ACSS3: variants seen among roughly 807,000 people sequenced by gnomAD.
ACSS3 encodes acyl-CoA synthetase short-chain family member 3, mitochondrial.
ACSS3 carries 64 observed loss-of-function variants against 84.2 expected under a neutral mutation model. The ratio of observed to expected loss-of-function variants is 0.76; its 90% CI spans 0.62 to 0.94. The LOEUF is 0.94. Ranked by LOEUF, ACSS3 falls within the 40% of genes least tolerant of loss-of-function variation. The probability of loss-of-function intolerance (pLI) is 0.00; values close to 1 mark genes in which losing one functional copy is unlikely to be tolerated. For missense variants in ACSS3, 815 were observed against 867.6 expected (o/e 0.94, Z 0.76); for synonymous variants, 317 against 310.1 (o/e 1.02, Z -0.23).
At chr12:81,206,478 T>A (rs2032352384) in intron 9 of ACSS3, among the ~76,000 whole-genome samples, 1 of 152,132 alleles carries the variant, frequency 6.6e-6, no homozygotes, top group Admixed American at 6.6e-5. Flanking sequence ...CAGAAATACA[T>A]TTATTTTTTT....
intron 9 of ACSS3, among the ~76,000 whole-genome samples, chr12:81,213,114 T>G (rs147516803): frequency 1.3e-3 from 201 of 152,286 alleles, no homozygotes; most frequent in African/African-American, 4.6e-3. Context: ...CAACATGACA[T>G]CTAGATTTCT....
chr12:81,104,233 G>T (rs891981309), intron 1 of ACSS3, among the ~76,000 whole-genome samples: 4 of 151,984 alleles, frequency 2.6e-5, no homozygotes, highest in Non-Finnish European at 5.9e-5. Flanking sequence ...ACCCACACTG[G>T]GTTCTTAAGA....
intron 7 of ACSS3, among the ~76,000 whole-genome samples, chr12:81,165,794 T>C (rs1423387409): frequency 6.6e-6 from 1 of 152,216 alleles, no homozygotes; most frequent in Non-Finnish European, 1.5e-5. Flanking sequence ...CATTTAACTC[T>C]TGCATGCTGG....
rs1261411489 is a variant in ACSS3, at chr12:81,078,301, G to A, written c.181G>A (p.Glu61Lys). 2 of 1,612,194 alleles carry A rather than the reference G, an allele frequency of 1.2e-6. No homozygotes were observed. Residue 61 changes from glutamate to lysine, a missense_variant, in exon 1 of 16, where the codon GAG becomes AAG. Glu to Lys is a moderately conservative substitution (Grantham distance 56). Transcript: ENST00000548058. ...CRALSSGSGS[E>K]YKTHFAASVT... ...GGCACTGTCCTCCGGCAGTGGCAGCGAGTACAAGACCCACTTCGCAGCCTC... is the reference window on the plus strand; with the variant it reads ...GGCACTGTCCTCCGGCAGTGGCAGCAAGTACAAGACCCACTTCGCAGCCTC...
At chr12:81,107,764 G>A (rs1883198134) in intron 1 of ACSS3, among the ~76,000 whole-genome samples, 1 of 151,604 alleles carries the variant, frequency 6.6e-6, no homozygotes, top group Admixed American at 6.6e-5. Context: ...GATCTAGGTT[G>A]GGGGTGGTTG....
At chr12:81,135,371 TTA>T (rs151007177) in intron 3 of ACSS3, among the ~76,000 whole-genome samples, 6,651 of 143,018 alleles carry the variant, frequency 0.047, 396 homozygotes, top group African/African-American at 0.14. Context: ...ATATATCACA[TTA>T]TATATAATAT....
In ACSS3 at chr12:81,181,747, C is replaced by CAAAAAAAAAAAAAAAAAAAAAAAAAA. The variant is rs59878486; in HGVS notation, c.1250+6829_1250+6830insAAAAAAAAAAAAAAAAAAAAAAAAAA. 1.5e-4 allele frequency among the ~76,000 whole-genome samples: 7 copies of CAAAAAAAAAAAAAAAAAAAAAAAAAA among 47,910 alleles called. No homozygotes were observed. The East Asian group carries it at 1.6e-3, about 11-fold the overall frequency. 31.4% of individuals were successfully genotyped at this position (47,910 alleles called of 152,430 possible). A position where few individuals can be genotyped will look rare whatever the true frequency, so the allele number is the denominator to read the frequency against. On this transcript the variant is annotated intron_variant, in intron 8 of 15. Transcript: ENST00000548058. The stretch of plus-strand genomic sequence containing the variant: ...AAGCCAAAGATTTCAATCAATTAAG[C>CAAAAAAAAAAAAAAAAAAAAAAAAAA]AAAAAAAAAAAAAAAAAAAAAGCAA...
At chr12:81,108,292 AT>A (rs1293526778) in intron 1 of ACSS3, among the ~76,000 whole-genome samples, 28 of 149,046 alleles carry the variant, frequency 1.9e-4, no homozygotes, top group Non-Finnish European at 4.2e-4. Context: ...TATTATTGTT[AT>A]TTTGAGACAG....
At chr12:81,153,050 A>T (rs1886688819) in intron 7 of ACSS3, among the ~76,000 whole-genome samples, 1 of 152,056 alleles carries the variant, frequency 6.6e-6, no homozygotes. Context: ...TGAGATGATA[A>T]AAAAAATCAC....
intron 7 of ACSS3, among the ~76,000 whole-genome samples, chr12:81,155,195 C>T (rs12831934): frequency 0.3 from 46,111 of 152,090 alleles, 8,769 homozygotes; most frequent in Middle Eastern, 0.43. Context: ...CGTTTTCTTT[C>T]TTCCATCCTG....
In ACSS3 at chr12:81,078,117, G is replaced by A. The variant is rs1208999465; in HGVS notation, c.-4G>A. On this transcript the variant is annotated 5_prime_UTR_variant, in exon 1 of 16. Coordinates refer to ENST00000548058, the MANE Select transcript of ACSS3 (RefSeq NM_024560.4). The stretch of plus-strand genomic sequence containing the variant: ...CACTCGGGGACCGCGGGTGGCCGGA[G>A]GAGATGAAACCGTCTTGGCTGCAGT... 1 of 1,472,398 alleles carries A rather than the reference G, an allele frequency of 6.8e-7. No individual in the cohort carries two copies. Among genetic ancestry groups the A allele is most frequent in the Non-Finnish European group, 9.0e-7 (1 of 1,113,470 alleles). 91.2% of individuals were successfully genotyped at this position (1,472,398 alleles called of 1,614,324 possible). A position where few individuals can be genotyped will look rare whatever the true frequency, so the allele number is the denominator to read the frequency against.
rs1263979322 is a variant in ACSS3 at position 81,256,537 on chromosome 12, G to A, written c.*1615G>A. Reference sequence around the variant, plus strand: ...TACCATGCTCATTGTATCTTTGATCGTTCTTCAAGTATTTCTCAATCTTTT... The same window carrying A: ...TACCATGCTCATTGTATCTTTGATCATTCTTCAAGTATTTCTCAATCTTTT... On this transcript the variant is annotated 3_prime_UTR_variant, in exon 16 of 16. Transcript: ENST00000548058. 3 of 152,040 alleles carry A rather than the reference G, an allele frequency of 2.0e-5. No homozygotes were observed. Among genetic ancestry groups the A allele is most frequent in the Non-Finnish European group, 2.9e-5 (2 of 68,002 alleles). The allele number at this position is 152,040 out of a possible 1,614,324, so 9.4% of individuals were successfully genotyped here. A position where few individuals can be genotyped will look rare whatever the true frequency, so the allele number is the denominator to read the frequency against.
intron 8 of ACSS3, among the ~76,000 whole-genome samples, chr12:81,193,663 C>T (rs1007192233): frequency 2.6e-5 from 4 of 151,870 alleles, no homozygotes; most frequent in African/African-American, 9.7e-5. Context: ...AAATTATCTA[C>T]ACATTTAATA....
intron 5 of ACSS3, among the ~76,000 whole-genome samples, chr12:81,150,449 C>T (rs545107309): frequency 1.3e-5 from 2 of 152,290 alleles, no homozygotes; most frequent in Admixed American, 1.3e-4. Flanking sequence ...AACAAACTAG[C>T]AAAGTGCATG....
chr12:81,247,410 T>C (rs945230316), intron 13 of ACSS3, among the ~76,000 whole-genome samples: 2 of 152,118 alleles, frequency 1.3e-5, no homozygotes, highest in African/African-American at 4.8e-5. Context: ...CTGAAATCCT[T>C]CTCACTGTAT....
Position 81,078,283 on chromosome 12 carries a change from T to TC in ACSS3, c.165dup (p.Ser56LeufsTer56). 6.2e-7 allele frequency: 1 copy of TC among 1,611,234 alleles called. No individual in the cohort carries two copies. The highest frequency in any genetic ancestry group is 1.1e-5 in the South Asian group (1 of 91,014). The stretch of plus-strand genomic sequence containing the variant: ...CGGGGGCCGGGGATGCAGGGCACTG[T>TC]CCTCCGGCAGTGGCAGCGAGTACAA... On this transcript the variant is annotated frameshift_variant, in exon 1 of 16. Transcript: ENST00000548058. LOFTEE classifies it high-confidence loss of function.
intron 4 of ACSS3, among the ~76,000 whole-genome samples, chr12:81,141,273 T>C (rs1360485531): frequency 3.3e-5 from 5 of 152,192 alleles, no homozygotes; most frequent in Admixed American, 2.0e-4. Flanking sequence ...TTCTTTCTAT[T>C]AGACCTGCTG....
chr12:81,080,604 G>A (rs879888014), intron 1 of ACSS3, among the ~76,000 whole-genome samples: 6 of 152,090 alleles, frequency 3.9e-5, no homozygotes, highest in South Asian at 2.1e-4. Flanking sequence ...GTAGACGTAG[G>A]AGACCAATCT....
intron 2 of ACSS3, 54 bp downstream of exon 2, chr12:81,109,758 A>G: frequency 7.3e-7 from 1 of 1,361,040 alleles, no homozygotes. Context: ...AAATTACTTA[A>G]ATAGCATACA....
Sources: allele counts gnomAD v4.1 joint callset (sites outside exome capture counted in the v4.1 genomes callset), GRCh38; gene constraint gnomAD v4.1.1; transcripts MANE v1.5; gene names NCBI Gene and HGNC (gene_info 2026-07-23, HGNC 2026-07-21).